NPAS3: variants seen among roughly 807,000 people sequenced by gnomAD.
The protein encoded by NPAS3 is neuronal PAS domain-containing protein 3.
Under a neutral mutation model 73.1 loss-of-function variants are expected in NPAS3, and 14 were observed. That is an observed-to-expected ratio of 0.19 (90% confidence interval 0.13 to 0.30). NPAS3 has a LOEUF of 0.30. Ranked by LOEUF, NPAS3 falls within the 10% of genes least tolerant of loss-of-function variation. The probability of loss-of-function intolerance (pLI) is 1.00; values close to 1 mark genes in which losing one functional copy is unlikely to be tolerated. For synonymous variants in NPAS3, 620 were observed against 541.5 expected, an observed-to-expected ratio of 1.14 and a Z score of -2.01; for missense variants, 1,096 against 1,250.0, an observed-to-expected ratio of 0.88 and a Z score of 1.86.
At chr14:33,617,905 A>T (rs564220195) in intron 5 of NPAS3, among the ~76,000 whole-genome samples, 2 of 151,822 alleles carry the variant, frequency 1.3e-5, no homozygotes, top group South Asian at 4.2e-4. Context: ...CTGAGCAGTT[A>T]AAGAAAAAAA....
At chr14:33,513,781 T>C (rs2053171373) in intron 4 of NPAS3, among the ~76,000 whole-genome samples, 1 of 152,044 alleles carries the variant, frequency 6.6e-6, no homozygotes, top group South Asian at 2.1e-4. Flanking sequence ...CAGAGTTTTT[T>C]TGACAAAGAA....
chr14:33,537,805 G>A (rs920696536), intron 4 of NPAS3, among the ~76,000 whole-genome samples: 34 of 152,188 alleles, frequency 2.2e-4, no homozygotes, highest in Non-Finnish European at 3.2e-4. Flanking sequence ...CCCATGCCAA[G>A]GAGAGTGCTC....
At chr14:33,203,526 G>A (rs1387930142) in intron 2 of NPAS3, among the ~76,000 whole-genome samples, 2 of 151,976 alleles carry the variant, frequency 1.3e-5, no homozygotes, top group Non-Finnish European at 2.9e-5. Context: ...CTGTGTCCAA[G>A]TGTTCTCATT....
intron 7 of NPAS3, among the ~76,000 whole-genome samples, chr14:33,738,290 T>C (rs1196436725): frequency 1.3e-5 from 2 of 152,196 alleles, no homozygotes; most frequent in Non-Finnish European, 2.9e-5. Flanking sequence ...CCTCCAAGGC[T>C]GTCCGCTTGG....
chr14:33,612,964 A>G (rs1238022200), intron 5 of NPAS3, among the ~76,000 whole-genome samples: 1 of 152,252 alleles, frequency 6.6e-6, no homozygotes, highest in African/African-American at 2.4e-5. Context: ...CCAAAAAAAG[A>G]AAAAGAAAAA....
intron 6 of NPAS3, among the ~76,000 whole-genome samples, chr14:33,693,624 G>A (rs1011175598): frequency 1.3e-5 from 2 of 152,110 alleles, no homozygotes; most frequent in Non-Finnish European, 2.9e-5. Context: ...TCAGTTTCTT[G>A]TAATTATCTC....
intron 2 of NPAS3, among the ~76,000 whole-genome samples, chr14:33,162,775 A>G (rs1366100773): frequency 2.0e-5 from 3 of 152,196 alleles, no homozygotes; most frequent in Non-Finnish European, 2.9e-5. Context: ...GGCAGATGGT[A>G]TTAAATCTGT....
intron 3 of NPAS3, among the ~76,000 whole-genome samples, chr14:33,231,156 C>T (rs1206225570): frequency 6.6e-6 from 1 of 152,128 alleles, no homozygotes; most frequent in East Asian, 1.9e-4. Context: ...TGTGAAATGA[C>T]AAGTCCTGGA....
At chr14:33,117,500 A>G (rs116673907) in intron 2 of NPAS3, among the ~76,000 whole-genome samples, 57 of 152,250 alleles carry the variant, frequency 3.7e-4, no homozygotes, top group Middle Eastern at 3.4e-3. Context: ...GTGTAAGCCA[A>G]AGAGTGCAGT....
chr14:33,417,228 C>T (rs1453270376), intron 4 of NPAS3, among the ~76,000 whole-genome samples: 1 of 151,948 alleles, frequency 6.6e-6, no homozygotes, highest in African/African-American at 2.4e-5. Context: ...CCTGGAAAAT[C>T]CTCAAAAATC....
chr14:33,619,059 C>A (rs2058005573), intron 5 of NPAS3, among the ~76,000 whole-genome samples: 1 of 152,056 alleles, frequency 6.6e-6, no homozygotes, highest in Non-Finnish European at 1.5e-5. Flanking sequence ...TTACTGTTTC[C>A]AAATGTTCAT....
chr14:33,202,016 G>A (rs1237579133), intron 2 of NPAS3, among the ~76,000 whole-genome samples: 4 of 152,042 alleles, frequency 2.6e-5, no homozygotes, highest in Non-Finnish European at 4.4e-5. Context: ...GTTTTTCCAT[G>A]AGCAACTTGC....
intron 2 of NPAS3, among the ~76,000 whole-genome samples, chr14:33,175,111 G>T (rs2045539518): frequency 6.6e-6 from 1 of 151,944 alleles, no homozygotes. Flanking sequence ...TTTATATCCA[G>T]GAACCAATGA....
chr14:33,627,720 A>G (rs996795785), intron 5 of NPAS3, among the ~76,000 whole-genome samples: 1 of 152,240 alleles, frequency 6.6e-6, no homozygotes, highest in East Asian at 1.9e-4. Context: ...ATTTATTTAT[A>G]TAAGTTAGTG....
intron 4 of NPAS3, among the ~76,000 whole-genome samples, chr14:33,398,960 T>TC (rs2138715062): frequency 6.6e-6 from 1 of 152,254 alleles, no homozygotes; most frequent in South Asian, 2.1e-4. Flanking sequence ...TACAAGCCTT[T>TC]CACACTTTCC....
intron 3 of NPAS3, among the ~76,000 whole-genome samples, chr14:33,278,750 A>C (rs897687133): frequency 4.6e-5 from 7 of 152,184 alleles, no homozygotes; most frequent in African/African-American, 1.7e-4. Flanking sequence ...TTTTAAATTA[A>C]AGCATTCTAA....
chr14:33,229,727 T>C (rs1034812910), intron 3 of NPAS3, among the ~76,000 whole-genome samples: 1 of 152,126 alleles, frequency 6.6e-6, no homozygotes, highest in Non-Finnish European at 1.5e-5. Context: ...AAAGTGGCAG[T>C]CTGCCAAAGA....
chr14:33,432,075 A>T (rs2048807628), intron 4 of NPAS3, among the ~76,000 whole-genome samples: 1 of 152,206 alleles, frequency 6.6e-6, no homozygotes, highest in Non-Finnish European at 1.5e-5. Flanking sequence ...TATAAAGAGA[A>T]AAGTACTTTT....
At chr14:33,579,644 TC>T (rs1415763196) in intron 5 of NPAS3, among the ~76,000 whole-genome samples, 1 of 151,382 alleles carries the variant, frequency 6.6e-6, no homozygotes, top group Admixed American at 6.6e-5. Flanking sequence ...TAATTAGGGG[TC>T]TTTTTTTTTT....
Sources: gnomAD v4.1 joint callset for allele counts (sites outside exome capture counted in the v4.1 genomes callset) on GRCh38, gnomAD v4.1.1 for gene constraint, MANE v1.5 for transcripts, NCBI Gene and HGNC (gene_info 2026-07-23, HGNC 2026-07-21) for gene names.